GPATCH11: variants seen among roughly 807,000 people sequenced by gnomAD.
GPATCH11 encodes the protein G-patch domain containing 11, also known as G patch domain-containing protein 11.
GPATCH11 carries 32 observed loss-of-function variants against 44.8 expected under a neutral mutation model. The ratio of observed to expected loss-of-function variants is 0.71; its 90% confidence interval spans 0.54 to 0.96. GPATCH11 has a LOEUF of 0.96. Among genes scored for constraint, GPATCH11 ranks in the 40% least tolerant of loss-of-function variants. The probability of loss-of-function intolerance (pLI) is 0.00; values close to 1 mark genes in which losing one functional copy is unlikely to be tolerated. For synonymous variants in GPATCH11, 84 were observed against 94.4 expected (o/e 0.89, Z 0.64); for missense variants, 324 against 303.1 (o/e 1.07, Z -0.51).
At chr2:37,090,358 GT>G (rs1427707470) in intron 3 of GPATCH11, among the ~76,000 whole-genome samples, 2 of 152,100 alleles carry the variant, frequency 1.3e-5, no homozygotes, top group African/African-American at 2.4e-5. Context: ...TCTGTAAACC[GT>G]TTTTCTTTCC....
intron 1 of GPATCH11, among the ~76,000 whole-genome samples, chr2:37,086,532 C>T (rs1280521702): frequency 1.3e-5 from 2 of 152,064 alleles, no homozygotes; most frequent in African/African-American, 2.4e-5. Context: ...TGGTGGCTCA[C>T]GCCTGTAATC....
rs369659513 is a variant in GPATCH11 at position 37,092,023 on chromosome 2, G to T, written c.436G>T (p.Ala146Ser). The T allele has an allele frequency of 2.5e-5, 41 of 1,612,752 alleles. No individual in the cohort carries two copies. The Admixed American group carries it at 4.7e-4, about 18-fold the overall frequency. ...GAAAAACCAAGCTGAAGAAAAAGCT[G>T]CAGAACAGTTTCGGTAAAACTATTT... ...HMKNQAEEKA[A>S]EQFRMRLKNK... Residue 146 changes from alanine (A) to serine (S), a missense_variant, in exon 5 of 9, where the codon GCA becomes TCA. By Grantham distance (99) the Ala-to-Ser change is moderately conservative. Coordinates refer to ENST00000674370, the MANE Select transcript of GPATCH11 (RefSeq NM_174931.4).
At chr2:37,094,901 A>C (rs2148648428) in intron 7 of GPATCH11, among the ~76,000 whole-genome samples, 1 of 151,540 alleles carries the variant, frequency 6.6e-6, no homozygotes, top group Non-Finnish European at 1.5e-5. Context: ...AGATCACGCC[A>C]CTGCACTCCA....
At chr2:37,085,798 G>A (rs1672995478) in intron 1 of GPATCH11, among the ~76,000 whole-genome samples, 1 of 152,208 alleles carries the variant, frequency 6.6e-6, no homozygotes, top group African/African-American at 2.4e-5. Context: ...GAATTTGTTA[G>A]CAGCTTAGCT....
At chr2:37,084,593 G>A (rs756875720) in intron 1 of GPATCH11, 23 bp downstream of exon 1, 2 of 1,232,080 alleles carry the variant, frequency 1.6e-6, no homozygotes, top group Non-Finnish European at 2.0e-6. Flanking sequence ...TCAGGTAAGG[G>A]TCTGGGGACA....
intron 7 of GPATCH11, 115 bp from the exon 8 acceptor site, chr2:37,095,322 A>G (rs974688257): frequency 2.7e-5 from 34 of 1,263,704 alleles, no homozygotes; most frequent in Non-Finnish European, 3.6e-5. Context: ...TCTAATAACT[A>G]TTCCAGAGTA....
At chr2:37,087,893 C>T (rs1030290780) in intron 1 of GPATCH11, among the ~76,000 whole-genome samples, 1 of 152,146 alleles carries the variant, frequency 6.6e-6, no homozygotes, top group Non-Finnish European at 1.5e-5. Flanking sequence ...TTGAAACAGG[C>T]TAGTAACGTG....
At chr2:37,090,597 T>C in intron 3 of GPATCH11, 84 bp from the exon 4 acceptor site, 1 of 694,626 alleles carries the variant, frequency 1.4e-6, no homozygotes, top group Non-Finnish European at 2.5e-6. Context: ...GGCATATGCA[T>C]AGAGCATTGT....
At position 37,097,394 on chromosome 2, in the gene GPATCH11, G is replaced by T. The variant is rs1673642690; in HGVS notation, c.*1131G>T. 6.6e-6 allele frequency: 1 copy of T among 152,168 alleles called. No individual in the cohort carries two copies. The highest frequency in any genetic ancestry group is 6.5e-5 in the Admixed American group (1 of 15,278). 9.4% of individuals were successfully genotyped at this position (152,168 alleles called of 1,614,324 possible). A position where few individuals can be genotyped will look rare whatever the true frequency, so the allele number is the denominator to read the frequency against. On this transcript the variant is annotated 3_prime_UTR_variant, in exon 9 of 9. Coordinates refer to ENST00000674370, the MANE Select transcript of GPATCH11 (RefSeq NM_174931.4). Reference sequence around the variant, plus strand: ...ATCCAGGGTGAGGCATCAAAATCATGAACCTTTTTAAAAGTTCATATGCTC... The same window carrying T: ...ATCCAGGGTGAGGCATCAAAATCATTAACCTTTTTAAAAGTTCATATGCTC...
At position 37,096,256 on chromosome 2, in the gene GPATCH11, A is replaced by G. The variant is rs1408266079; in HGVS notation, c.785A>G (p.His262Arg). 1 of 1,579,044 alleles carries G rather than the reference A, an allele frequency of 6.3e-7. No individual in the cohort carries two copies. Among genetic ancestry groups the G allele is most frequent in the Admixed American group, 1.8e-5 (1 of 56,538 alleles). ...SNCPGPTSADHD is the reference protein window; with the variant it reads ...SNCPGPTSADRD Reference sequence around the variant, plus strand: ...TGTCCAGGACCAACTTCTGCAGATCATGACTAAGATTATTCCCAATAAAGT... The same window carrying G: ...TGTCCAGGACCAACTTCTGCAGATCGTGACTAAGATTATTCCCAATAAAGT... The change falls in exon 9 of 9, where the codon CAT becomes CGT. Residue 262 changes from histidine (H) to arginine (R), a missense_variant. Coordinates refer to ENST00000674370, the MANE Select transcript of GPATCH11 (RefSeq NM_174931.4).
rs1356012909 is a variant in GPATCH11 at position 37,097,144 on chromosome 2, G to A, written c.*881G>A. On this transcript the variant is annotated 3_prime_UTR_variant, in exon 9 of 9. Transcript: ENST00000674370. ...GAAATTTAAATATTGTGTGATGCAA[G>A]TACTTACTGAATTTGGAAACCCCTT... 1 of 152,162 alleles carries A rather than the reference G, an allele frequency of 6.6e-6. No individual in the cohort carries two copies. The allele number at this position is 152,162 out of a possible 1,614,324, so 9.4% of individuals were successfully genotyped here. A position where few individuals can be genotyped will look rare whatever the true frequency, so the allele number is the denominator to read the frequency against.
At position 37,099,241 on chromosome 2, in the gene GPATCH11, G is replaced by T. The variant is rs1357005822; in HGVS notation, c.*2978G>T. On this transcript the variant is annotated 3_prime_UTR_variant, in exon 9 of 9. Transcript: ENST00000674370. Reference sequence around the variant, plus strand: ...TTTCTAATAAACATTTATTTCAAGTGTTATTTGTTAAACATTTAATTGTTG... The same window carrying T: ...TTTCTAATAAACATTTATTTCAAGTTTTATTTGTTAAACATTTAATTGTTG... 6.6e-6 allele frequency: 1 copy of T among 152,092 alleles called. No homozygotes were observed. The highest frequency in any genetic ancestry group is 2.4e-5 in the African/African-American group (1 of 41,416). 9.4% of individuals were successfully genotyped at this position (152,092 alleles called of 1,614,324 possible).
chr2:37,088,454 C>A lies in GPATCH11; in HGVS notation c.59+14C>A. The A allele has an allele frequency of 7.6e-7, 1 of 1,321,112 alleles. No individual in the cohort carries two copies. Among genetic ancestry groups the A allele is most frequent in the Non-Finnish European group, 1.1e-6 (1 of 922,880 alleles). 81.8% of individuals were successfully genotyped at this position (1,321,112 alleles called of 1,614,324 possible). ...CATTAATGTCCAGTAAGTAAATGTGCACACCCAGTGCAATGATATGTATAA... is the reference window on the plus strand; with the variant it reads ...CATTAATGTCCAGTAAGTAAATGTGAACACCCAGTGCAATGATATGTATAA... On this transcript the variant is annotated intron_variant, in intron 2 of 8. Coordinates refer to ENST00000674370, the MANE Select transcript of GPATCH11 (RefSeq NM_174931.4).
intron 1 of GPATCH11, among the ~76,000 whole-genome samples, chr2:37,085,740 C>T (rs906087409): frequency 1.3e-5 from 2 of 152,194 alleles, no homozygotes; most frequent in African/African-American, 4.8e-5. Flanking sequence ...AATGTAGCAG[C>T]TTAAGATAAC....
intron 7 of GPATCH11, 128 bp downstream of exon 7, chr2:37,094,323 C>T: frequency 1.6e-6 from 1 of 613,332 alleles, no homozygotes; most frequent in South Asian, 1.9e-5. Context: ...CATCTCTGGC[C>T]CCTGCCCACC....
chr2:37,098,823 A>G lies in GPATCH11; in HGVS notation c.*2560A>G, dbSNP rs1250484904. On this transcript the variant is annotated 3_prime_UTR_variant, in exon 9 of 9. Transcript: ENST00000674370. Reference sequence around the variant, plus strand: ...GCTACTCAGGGGGCTGAGATGGGGAATCCTTTGAGCCCAGAAGTTTGAAAC... The same window carrying G: ...GCTACTCAGGGGGCTGAGATGGGGAGTCCTTTGAGCCCAGAAGTTTGAAAC... 2 of 152,136 alleles carry G rather than the reference A, an allele frequency of 1.3e-5. No homozygotes were observed. Among genetic ancestry groups the G allele is most frequent in the African/African-American group, 2.4e-5 (1 of 41,406 alleles). 9.4% of individuals were successfully genotyped at this position (152,136 alleles called of 1,614,324 possible).
At chr2:37,094,219 A>G in intron 7 of GPATCH11, 24 bp downstream of exon 7, 3 of 1,401,966 alleles carry the variant, frequency 2.1e-6, no homozygotes, top group Admixed American at 3.9e-5. Flanking sequence ...CATTTCCTTC[A>G]TAGGGTGTCT....
At position 37,091,854 on chromosome 2, in the gene GPATCH11, A is replaced by G. The variant is rs989351843; in HGVS notation, c.329-62A>G. The G allele has an allele frequency of 6.6e-6, 10 of 1,519,532 alleles. No homozygotes were observed. The Admixed American group carries it at 1.9e-4, about 29-fold the overall frequency. 94.1% of individuals were successfully genotyped at this position (1,519,532 alleles called of 1,614,324 possible). A position where few individuals can be genotyped will look rare whatever the true frequency, so the allele number is the denominator to read the frequency against. On this transcript the variant is annotated intron_variant, in intron 4 of 8. Transcript: ENST00000674370. ...ATTGCATTTAATTTGTACATAGTTAAATCGTCTTGTTTTGAAGCACAAAGT... is the reference window on the plus strand; with the variant it reads ...ATTGCATTTAATTTGTACATAGTTAGATCGTCTTGTTTTGAAGCACAAAGT...
At chr2:37,092,921 T>A (rs1673404469) in intron 6 of GPATCH11, among the ~76,000 whole-genome samples, 1 of 152,082 alleles carries the variant, frequency 6.6e-6, no homozygotes, top group African/African-American at 2.4e-5. Flanking sequence ...AAAGGCAGGA[T>A]GATTATTTCA....
Sources: allele counts gnomAD v4.1 joint callset (sites outside exome capture counted in the v4.1 genomes callset), GRCh38; gene constraint gnomAD v4.1.1; transcripts MANE v1.5; gene names NCBI Gene and HGNC (gene_info 2026-07-23, HGNC 2026-07-21).